Variants in CREB5 observed in about 807,000 individuals in gnomAD.
CREB5 encodes cyclic AMP-responsive element-binding protein 5.
A neutral mutation model predicts 57.1 loss-of-function variants in CREB5; 19 were observed. The observed-to-expected ratio is 0.33, with a 90% CI of 0.23 to 0.49. The LOEUF (loss-of-function observed/expected upper bound fraction) is 0.49, where lower values mean the gene tolerates loss of function less well. CREB5 is among the 20% of genes least tolerant of loss of function. The probability of loss-of-function intolerance (pLI) is 0.99; values close to 1 mark genes in which losing one functional copy is unlikely to be tolerated. For missense variants in CREB5, 579 were observed against 671.6 expected (o/e 0.86, Z 1.52); for synonymous variants, 238 against 238.3 (o/e 1.00, Z 0.01).
upstream of CREB5, chr7:28,410,132 G>A (rs1484879635): frequency 5.2e-6 from 2 of 384,876 alleles, no homozygotes; most frequent in Non-Finnish European, 1.0e-5. Flanking sequence ...CTCTCCCGCC[G>A]GGCTGCCGGC....
At chr7:28,471,167 T>A (rs964460955) in intron 1 of CREB5, among the ~76,000 whole-genome samples, 6 of 151,908 alleles carry the variant, frequency 3.9e-5, no homozygotes, top group African/African-American at 1.5e-4. Context: ...TCCTGGAGAG[T>A]TTTTCCAATG....
intron 1 of CREB5, among the ~76,000 whole-genome samples, chr7:28,404,843 G>C (rs1787544216): frequency 1.3e-5 from 2 of 152,152 alleles, no homozygotes; most frequent in Non-Finnish European, 2.9e-5. Flanking sequence ...ACCAACTTGT[G>C]CTCAGGACTA....
chr7:28,553,686 T>G (rs1271626489), intron 4 of CREB5, among the ~76,000 whole-genome samples: 2 of 152,216 alleles, frequency 1.3e-5, no homozygotes, highest in Non-Finnish European at 2.9e-5. Context: ...ACTAGGCACT[T>G]TTAGTATGAG....
At chr7:28,305,509 A>C (rs58418606) in intron 1 of CREB5, among the ~76,000 whole-genome samples, 1,954 of 152,186 alleles carry the variant, frequency 0.013, 14 homozygotes, top group African/African-American at 0.02. Context: ...GGAGAAATGG[A>C]CACTTACCCC....
chr7:28,719,927 G>A (rs1182671073), intron 6 of CREB5, among the ~76,000 whole-genome samples: 2 of 152,316 alleles, frequency 1.3e-5, no homozygotes, highest in Non-Finnish European at 1.5e-5. Context: ...GGGCGTGGTG[G>A]CATGAACCTG....
chr7:28,648,824 TA>T (rs1196337682), intron 5 of CREB5, among the ~76,000 whole-genome samples: 66 of 152,204 alleles, frequency 4.3e-4, no homozygotes, highest in Admixed American at 1.2e-3. Flanking sequence ...ATAATATACT[TA>T]AAGACTCTTT....
At chr7:28,536,165 G>A (rs553435995) in intron 4 of CREB5, among the ~76,000 whole-genome samples, 5 of 152,138 alleles carry the variant, frequency 3.3e-5, no homozygotes, top group Admixed American at 1.3e-4. Context: ...TGTTCAAAAA[G>A]CACCTTGAGC....
At chr7:28,695,037 C>A (rs987970373) in intron 5 of CREB5, among the ~76,000 whole-genome samples, 1 of 152,058 alleles carries the variant, frequency 6.6e-6, no homozygotes, top group Non-Finnish European at 1.5e-5. Flanking sequence ...CTAGTCTGAG[C>A]AATGTAGGGA....
rs148627703 is a variant in CREB5 at position 28,793,171 on chromosome 7, C to T, written c.703-11028C>T. ...GTGGTGAGTACTGGGAGCCCCCACA[C>T]TTTGAGGTCTCAGGCAGGGGTGAGA... On this transcript the variant is annotated intron_variant, in intron 7 of 10. Coordinates refer to ENST00000357727, the MANE Select transcript of CREB5 (RefSeq NM_182898.4). 1.1e-4 allele frequency among the ~76,000 whole-genome samples: 16 copies of T among 152,214 alleles called. No homozygotes were observed. In the East Asian group the frequency reaches 2.9e-3, roughly 28 times the overall value.
intron 1 of CREB5, among the ~76,000 whole-genome samples, chr7:28,472,427 T>C (rs1266240952): frequency 1.3e-5 from 2 of 152,218 alleles, no homozygotes; most frequent in Admixed American, 6.5e-5. Flanking sequence ...TGAGGAAATA[T>C]GCGTGGATAA....
intron 5 of CREB5, among the ~76,000 whole-genome samples, chr7:28,642,971 C>T (rs113354973): frequency 0.041 from 3,332 of 80,666 alleles, 26 homozygotes; most frequent in Admixed American, 0.094. Context: ...CACACACACA[C>T]ACACACACAC....
At chr7:28,403,922 G>A (rs1346111676) in intron 1 of CREB5, among the ~76,000 whole-genome samples, 1 of 152,036 alleles carries the variant, frequency 6.6e-6, no homozygotes, top group Non-Finnish European at 1.5e-5. Flanking sequence ...TACATTATTA[G>A]CATTAATTTT....
At chr7:28,303,201 T>C (rs76987624) in intron 1 of CREB5, among the ~76,000 whole-genome samples, 4,465 of 151,580 alleles carry the variant, frequency 0.029, 228 homozygotes, top group African/African-American at 0.1. Flanking sequence ...TTGTACAATA[T>C]ATGTTTAGTA....
chr7:28,583,870 G>T (rs2128658710), intron 5 of CREB5, among the ~76,000 whole-genome samples: 1 of 152,064 alleles, frequency 6.6e-6, no homozygotes, highest in African/African-American at 2.4e-5. Context: ...TAGAGACAGG[G>T]TTTCCCCATG....
At chr7:28,399,625 C>T (rs938602369) in intron 1 of CREB5, among the ~76,000 whole-genome samples, 1 of 152,040 alleles carries the variant, frequency 6.6e-6, no homozygotes, top group African/African-American at 2.4e-5. Context: ...TTACCATATA[C>T]AGAAATTTGG....
chr7:28,751,407 G>T (rs1187602334), intron 7 of CREB5, among the ~76,000 whole-genome samples: 1 of 152,172 alleles, frequency 6.6e-6, no homozygotes, highest in Non-Finnish European at 1.5e-5. Flanking sequence ...TGTCTATAAT[G>T]TGTTCTCAGA....
chr7:28,437,493 C>T (rs1204716413), intron 1 of CREB5, among the ~76,000 whole-genome samples: 1 of 152,090 alleles, frequency 6.6e-6, no homozygotes, highest in African/African-American at 2.4e-5. Flanking sequence ...CATAGATCTT[C>T]CTTCTATCAT....
chr7:28,368,561 G>T (rs1583402309), intron 1 of CREB5, among the ~76,000 whole-genome samples: 2 of 152,132 alleles, frequency 1.3e-5, no homozygotes, highest in East Asian at 3.9e-4. Flanking sequence ...AACATGGCAA[G>T]CTTGCTTTTT....
At chr7:28,555,396 T>A (rs1794825113) in intron 4 of CREB5, among the ~76,000 whole-genome samples, 1 of 152,230 alleles carries the variant, frequency 6.6e-6, no homozygotes. Context: ...GTGGTTTATC[T>A]TTTGCCCTGA....
Sources: gnomAD v4.1 joint callset for allele counts (sites outside exome capture counted in the v4.1 genomes callset) on GRCh38, gnomAD v4.1.1 for gene constraint, MANE v1.5 for transcripts, NCBI Gene and HGNC (gene_info 2026-07-23, HGNC 2026-07-21) for gene names.